ATP8A2: variants seen among roughly 807,000 people sequenced by gnomAD.
The protein encoded by ATP8A2 is ATPase phospholipid transporting 8A2, also known as phospholipid-transporting ATPase IB.
In ATP8A2, 100 loss-of-function variants were observed where a neutral mutation model predicts 165.6. That is an observed-to-expected ratio of 0.60 (90% CI 0.51 to 0.71). ATP8A2 has a LOEUF of 0.71. Ranked by LOEUF, ATP8A2 falls within the 30% of genes least tolerant of loss-of-function variation. The pLI, the probability that ATP8A2 is intolerant of heterozygous loss-of-function variation, is 0.00. For synonymous variants in ATP8A2, 543 were observed against 548.8 expected, an observed-to-expected ratio of 0.99 and a Z score of 0.15; for missense variants, 1,227 against 1,479.5, an observed-to-expected ratio of 0.83 and a Z score of 2.80.
intron 25 of ATP8A2, among the ~76,000 whole-genome samples, chr13:25,700,122 G>C (rs1178480808): frequency 6.6e-6 from 1 of 152,120 alleles, no homozygotes; most frequent in Non-Finnish European, 1.5e-5. Context: ...AACAATGAGT[G>C]ACAAGTCTGT....
intron 12 of ATP8A2, among the ~76,000 whole-genome samples, chr13:25,554,515 GTGTGTGTGTGTGTA>G (rs1431560171): frequency 4.8e-5 from 4 of 83,098 alleles, no homozygotes; most frequent in Non-Finnish European, 8.0e-5. Flanking sequence ...TAAATCATGT[GTGTGTGTGTGTGTA>G]TGTGTGTGTG....
chr13:25,378,312 A>G (rs2032710920), intron 1 of ATP8A2, among the ~76,000 whole-genome samples: 1 of 151,186 alleles, frequency 6.6e-6, no homozygotes, highest in Non-Finnish European at 1.5e-5. Flanking sequence ...CTAAAAAGTG[A>G]TCTAATCCTC....
At chr13:25,916,264 C>T (rs1190029304) in intron 33 of ATP8A2, among the ~76,000 whole-genome samples, 4 of 152,216 alleles carry the variant, frequency 2.6e-5, no homozygotes, top group Admixed American at 1.3e-4. Flanking sequence ...AGGCCCTCTG[C>T]GCCACTCAGC....
intron 35 of ATP8A2, among the ~76,000 whole-genome samples, chr13:25,983,470 C>T (rs1956212579): frequency 6.6e-6 from 1 of 152,150 alleles, no homozygotes; most frequent in African/African-American, 2.4e-5. Context: ...GCACATAATA[C>T]CTGCTGAGCA....
At chr13:25,687,061 G>A (rs768062299) in intron 24 of ATP8A2, among the ~76,000 whole-genome samples, 3 of 152,130 alleles carry the variant, frequency 2.0e-5, no homozygotes, top group Non-Finnish European at 4.4e-5. Flanking sequence ...GTCATCAGAA[G>A]GCCCTTGTCA....
chr13:26,012,693 G>T (rs1168201079), intron 36 of ATP8A2, 71 bp downstream of exon 36: 11 of 898,336 alleles, frequency 1.2e-5, no homozygotes, highest in Non-Finnish European at 1.6e-5. Flanking sequence ...GAGGAGTTGG[G>T]GGAGCGGGCG....
At chr13:25,646,595 C>T (rs2041677373) in intron 24 of ATP8A2, among the ~76,000 whole-genome samples, 1 of 136,330 alleles carries the variant, frequency 7.3e-6, no homozygotes, top group Admixed American at 8.4e-5. Context: ...GTGGAGGTTG[C>T]AGTGAGCCAA....
chr13:25,574,255 C>A (rs1267106056), intron 18 of ATP8A2, among the ~76,000 whole-genome samples: 1 of 152,210 alleles, frequency 6.6e-6, no homozygotes, highest in Non-Finnish European at 1.5e-5. Flanking sequence ...CTCTTATCTG[C>A]AAATTCGAAA....
At chr13:25,736,920 T>C (rs7998285) in intron 25 of ATP8A2, among the ~76,000 whole-genome samples, 69,334 of 151,782 alleles carry the variant, frequency 0.46, 16,092 homozygotes, top group East Asian at 0.58. Flanking sequence ...TAACTATCGA[T>C]TGGGGAAAGA....
intron 33 of ATP8A2, among the ~76,000 whole-genome samples, chr13:25,897,211 T>A (rs1953582217): frequency 1.3e-5 from 2 of 152,226 alleles, no homozygotes; most frequent in Non-Finnish European, 2.9e-5. Context: ...CTTCAGGAGC[T>A]CTTTTAGGGC....
chr13:25,382,603 T>C (rs1396839279), intron 1 of ATP8A2, among the ~76,000 whole-genome samples: 1 of 152,240 alleles, frequency 6.6e-6, no homozygotes, highest in South Asian at 2.1e-4. Context: ...TTTGGTGCTT[T>C]CAGTGTTTTG....
chr13:25,509,568 G>A (rs906037239), intron 2 of ATP8A2, among the ~76,000 whole-genome samples: 19 of 151,998 alleles, frequency 1.3e-4, no homozygotes, highest in Non-Finnish European at 2.5e-4. Flanking sequence ...CTTCATGAAT[G>A]TGTAATATGT....
At chr13:25,384,495 T>A (rs1387288191) in intron 1 of ATP8A2, among the ~76,000 whole-genome samples, 1 of 152,232 alleles carries the variant, frequency 6.6e-6, no homozygotes, top group Non-Finnish European at 1.5e-5. Context: ...TTAATTTTCC[T>A]TAAATCTCTT....
At position 25,953,037 on chromosome 13, in the gene ATP8A2, G is replaced by C. The variant is rs952562910; in HGVS notation, c.3184-8538G>C. Reference sequence around the variant, plus strand: ...GAGGCAACACTGAGGGGCAAGGAGGGCTGAGAAGAGAAGGTGGCAATGGCA... The same window carrying C: ...GAGGCAACACTGAGGGGCAAGGAGGCCTGAGAAGAGAAGGTGGCAATGGCA... On this transcript the variant is annotated intron_variant, in intron 33 of 36. Coordinates refer to ENST00000381655, the MANE Select transcript of ATP8A2 (RefSeq NM_016529.6). This position sits in a 1 kb window ranked among gnomAD's most constrained non-coding sequence, Gnocchi z 6.7. 1.3e-5 allele frequency among the ~76,000 whole-genome samples: 2 copies of C among 152,212 alleles called. No individual in the cohort carries two copies. The highest frequency in any genetic ancestry group is 4.8e-5 in the African/African-American group (2 of 41,448).
chr13:25,996,173 T>C (rs1956498763), intron 35 of ATP8A2, among the ~76,000 whole-genome samples: 1 of 152,242 alleles, frequency 6.6e-6, no homozygotes, highest in Non-Finnish European at 1.5e-5. Flanking sequence ...TATTTGAAGC[T>C]AGCTTCTAAA....
chr13:25,909,840 C>T (rs1954049601), intron 33 of ATP8A2, among the ~76,000 whole-genome samples: 1 of 152,182 alleles, frequency 6.6e-6, no homozygotes, highest in African/African-American at 2.4e-5. Context: ...CACTGTTCTA[C>T]TTCCTGTCTC....
At chr13:25,564,132 G>T in intron 16 of ATP8A2, 101 bp downstream of exon 16, 1 of 840,690 alleles carries the variant, frequency 1.2e-6, no homozygotes, top group Non-Finnish European at 2.0e-6. Flanking sequence ...TTAGAGCATG[G>T]GAAAAGTCTC....
chr13:25,755,574 C>T lies in ATP8A2; in HGVS notation c.2385-13472C>T, dbSNP rs145626482. Among the ~76,000 whole-genome samples, 1,240 of 152,210 alleles carry T rather than the reference C, an allele frequency of 8.1e-3. 24 individuals are homozygous for T. The highest frequency in any genetic ancestry group is 0.028 in the African/African-American group (1,181 of 41,512). On this transcript the variant is annotated intron_variant, in intron 25 of 36. Coordinates refer to ENST00000381655, the MANE Select transcript of ATP8A2 (RefSeq NM_016529.6). The stretch of plus-strand genomic sequence containing the variant: ...ATTCATATTCAGTGAGTAATAATTT[C>T]AGTGTGAATATGTAATATAATATAA...
At chr13:25,461,852 A>AAGAAGG (rs142817448) in intron 1 of ATP8A2, among the ~76,000 whole-genome samples, 55,010 of 147,416 alleles carry the variant, frequency 0.37, 10,600 homozygotes, top group East Asian at 0.57. Context: ...GGAGAAGAAG[A>AAGAAGG]AGGAGGAGGA....
Sources: allele counts gnomAD v4.1 joint callset (sites outside exome capture counted in the v4.1 genomes callset), GRCh38; gene constraint gnomAD v4.1.1; non-coding constraint Gnocchi (gnomAD v3.1); transcripts MANE v1.5; gene names NCBI Gene and HGNC (gene_info 2026-07-23, HGNC 2026-07-21).